CWF19L2: variants seen among roughly 807,000 people sequenced by gnomAD.
CWF19L2 encodes the protein CWF19 like cell cycle control factor 2, also known as CWF19-like protein 2.
A neutral mutation model predicts 111.7 loss-of-function variants in CWF19L2; 98 were observed. The observed-to-expected ratio is 0.88, with a 90% CI of 0.75 to 1.04. CWF19L2 has a LOEUF of 1.04. Among genes scored for constraint, CWF19L2 ranks in the 50% least tolerant of loss-of-function variants. CWF19L2 has a pLI of 0.00. For missense variants in CWF19L2, 1,101 were observed against 1,051.4 expected (o/e 1.05, Z -0.65); for synonymous variants, 351 against 342.9 (o/e 1.02, Z -0.26).
rs545359283 is a variant in CWF19L2 at position 107,435,881 on chromosome 11, T to C, written c.665-2132A>G. On this transcript the variant is annotated intron_variant, in intron 6 of 17. Coordinates refer to ENST00000282251, the MANE Select transcript of CWF19L2 (RefSeq NM_152434.3). ...ACAAACATGAATGTACAAGGCCAGGTGCAGCGGCTCACGCCTGTAATCCCA... is the reference window on the plus strand; with the variant it reads ...ACAAACATGAATGTACAAGGCCAGGCGCAGCGGCTCACGCCTGTAATCCCA... 4.6e-5 allele frequency among the ~76,000 whole-genome samples: 7 copies of C among 152,042 alleles called. No individual in the cohort carries two copies. The South Asian group carries it at 1.5e-3, about 32-fold the overall frequency.
chr11:107,439,112 A>G lies in CWF19L2; in HGVS notation c.642T>C (p.Cys214=), dbSNP rs1332317158. ...TACCTTTAGTAATCGATGACACACT[A>G]CAGTCTTCAGGTGGAAGACCTGTCC... ...DGGTGLPPED[C]SVSSITKVSV... Residue 214 remains cysteine (C), a synonymous_variant, in exon 6 of 18, where the codon TGT becomes TGC. Coordinates refer to ENST00000282251, the MANE Select transcript of CWF19L2 (RefSeq NM_152434.3). The G allele has an allele frequency of 8.1e-6, 13 of 1,596,704 alleles. No homozygotes were observed. Among genetic ancestry groups the G allele is most frequent in the Non-Finnish European group, 1.0e-5 (12 of 1,166,156 alleles).
At chr11:107,335,318 G>C (rs1451335740) in intron 15 of CWF19L2, among the ~76,000 whole-genome samples, 1 of 152,076 alleles carries the variant, frequency 6.6e-6, no homozygotes, top group Non-Finnish European at 1.5e-5. Flanking sequence ...AATTCATTTA[G>C]TTTTACTGCT....
chr11:107,342,379 T>G (rs951059223), intron 14 of CWF19L2, among the ~76,000 whole-genome samples: 2 of 152,136 alleles, frequency 1.3e-5, no homozygotes, highest in African/African-American at 4.8e-5. Context: ...TATTATTTCT[T>G]AAATTTCTCC....
At chr11:107,367,542 T>C (rs1257673713) in intron 12 of CWF19L2, among the ~76,000 whole-genome samples, 2 of 129,764 alleles carry the variant, frequency 1.5e-5, no homozygotes, top group Non-Finnish European at 3.2e-5. Flanking sequence ...ATGGATGAAA[T>C]CGGAAATCAT....
intron 10 of CWF19L2, among the ~76,000 whole-genome samples, chr11:107,414,986 C>T (rs1861205295): frequency 6.6e-6 from 1 of 152,154 alleles, no homozygotes; most frequent in Non-Finnish European, 1.5e-5. Flanking sequence ...ATGGTCCTGT[C>T]AAAATATGTT....
At chr11:107,380,661 T>C (rs1187042314) in intron 12 of CWF19L2, among the ~76,000 whole-genome samples, 1 of 152,200 alleles carries the variant, frequency 6.6e-6, no homozygotes, top group Non-Finnish European at 1.5e-5. Flanking sequence ...GGAAATAGTT[T>C]GGTGGTTCCT....
Position 107,442,810 on chromosome 11 carries a change from G to A in CWF19L2, c.450+129C>T, listed in dbSNP as rs1414314964. ...AGGAAGGAAGGGAGGGAGGGAGGGAGGGAGGGAGGGGGAGGGAGGGAGAGA... is the reference window on the plus strand; with the variant it reads ...AGGAAGGAAGGGAGGGAGGGAGGGAAGGAGGGAGGGGGAGGGAGGGAGAGA... On this transcript the variant is annotated intron_variant, in intron 4 of 17. Coordinates refer to ENST00000282251, the MANE Select transcript of CWF19L2 (RefSeq NM_152434.3). The A allele has an allele frequency of 2.9e-3, 1,288 of 438,168 alleles. 37 individuals carry two copies. Among genetic ancestry groups the A allele is most frequent in the African/African-American group, 0.011 (351 of 31,982 alleles). 27.1% of individuals were successfully genotyped at this position (438,168 alleles called of 1,614,324 possible).
intron 14 of CWF19L2, chr11:107,345,445 T>C (rs944119126): frequency 8.8e-6 from 4 of 453,702 alleles, no homozygotes; most frequent in Admixed American, 5.0e-5. Context: ...TGTTTGTTCA[T>C]ACTCCCTTTC....
Position 107,439,115 on chromosome 11 carries a change from G to A in CWF19L2, c.639C>T (p.Asp213=). 6.3e-7 allele frequency: 1 copy of A among 1,585,964 alleles called. No individual in the cohort carries two copies. The highest frequency in any genetic ancestry group is 8.6e-7 in the Non-Finnish European group (1 of 1,161,056). Residue 213 remains aspartate (D), a synonymous_variant, in exon 6 of 18, where the codon GAC becomes GAT. Coordinates refer to ENST00000282251, the MANE Select transcript of CWF19L2 (RefSeq NM_152434.3). ...CTTTAGTAATCGATGACACACTACA[G>A]TCTTCAGGTGGAAGACCTGTCCCAC... ...KDGGTGLPPE[D]CSVSSITKVS...
At chr11:107,339,843 T>C (rs1859980976) in intron 14 of CWF19L2, among the ~76,000 whole-genome samples, 1 of 151,964 alleles carries the variant, frequency 6.6e-6, no homozygotes, top group Non-Finnish European at 1.5e-5. Context: ...AATTTTTGTA[T>C]TTTTAGTAGA....
intron 3 of CWF19L2, among the ~76,000 whole-genome samples, chr11:107,447,978 A>AT (rs1165210091): frequency 2.6e-5 from 4 of 152,264 alleles, no homozygotes; most frequent in African/African-American, 9.6e-5. Flanking sequence ...ACATCTAATG[A>AT]TAAAAAAAAA....
intron 8 of CWF19L2, among the ~76,000 whole-genome samples, chr11:107,422,732 C>A (rs11212223): frequency 0.021 from 3,264 of 152,016 alleles, 118 homozygotes; most frequent in African/African-American, 0.074. Context: ...TAACCTTAAT[C>A]ATATTTTCTA....
chr11:107,357,516 A>C (rs1321767377), intron 12 of CWF19L2, among the ~76,000 whole-genome samples: 1 of 152,226 alleles, frequency 6.6e-6, no homozygotes, highest in East Asian at 1.9e-4. Context: ...TATACATGGA[A>C]GATGGTATTT....
intron 13 of CWF19L2, 104 bp downstream of exon 13, chr11:107,353,420 A>C: frequency 1.1e-6 from 1 of 869,918 alleles, no homozygotes; most frequent in Non-Finnish European, 1.8e-6. Context: ...AAGACCCAAT[A>C]AACAAGTAAA....
At chr11:107,342,774 T>C (rs1320209638) in intron 14 of CWF19L2, among the ~76,000 whole-genome samples, 1 of 152,166 alleles carries the variant, frequency 6.6e-6, no homozygotes, top group African/African-American at 2.4e-5. Context: ...AGAATCTTGA[T>C]ACAGGAAGAT....
intron 5 of CWF19L2, 31 bp downstream of exon 5, chr11:107,441,471 AG>A (rs1565286407): frequency 6.8e-7 from 1 of 1,472,470 alleles, no homozygotes; most frequent in South Asian, 1.4e-5. Flanking sequence ...AAGGTAAATT[AG>A]AAAGTTAAAG....
intron 12 of CWF19L2, among the ~76,000 whole-genome samples, chr11:107,386,459 C>T (rs1176108149): frequency 2.6e-5 from 4 of 152,294 alleles, no homozygotes; most frequent in South Asian, 2.1e-4. Context: ...CATAATCATG[C>T]TTTTTTCCTT....
At chr11:107,374,299 A>G (rs1040500354) in intron 12 of CWF19L2, among the ~76,000 whole-genome samples, 2 of 129,976 alleles carry the variant, frequency 1.5e-5, no homozygotes, top group African/African-American at 6.6e-5. Context: ...GAGAAGAGCA[A>G]CACCAAGACA....
intron 1 of CWF19L2, among the ~76,000 whole-genome samples, chr11:107,457,059 C>A (rs542174655): frequency 6.6e-6 from 1 of 152,334 alleles, no homozygotes; most frequent in Non-Finnish European, 1.5e-5. Flanking sequence ...TCTTTCATTG[C>A]CACACTTCTT....
Sources: allele counts gnomAD v4.1 joint callset (sites outside exome capture counted in the v4.1 genomes callset), GRCh38; gene constraint gnomAD v4.1.1; transcripts MANE v1.5; gene names NCBI Gene and HGNC (gene_info 2026-07-23, HGNC 2026-07-21).